PTPRD: variants seen among roughly 807,000 people sequenced by gnomAD.
PTPRD encodes the protein receptor-type tyrosine-protein phosphatase delta.
A neutral mutation model predicts 214.5 loss-of-function variants in PTPRD; 34 were observed. That is an observed-to-expected ratio of 0.16 (90% confidence interval 0.12 to 0.21). PTPRD has a LOEUF of 0.21. PTPRD is among the 10% of genes least tolerant of loss of function. The pLI is 1.00. For synonymous variants in PTPRD, 1,128 were observed against 845.7 expected (o/e 1.33, Z -5.79); for missense variants, 2,545 against 2,398.7 (o/e 1.06, Z -1.27).
chr9:9,753,813 G>A (rs1249061894), intron 6 of PTPRD, among the ~76,000 whole-genome samples: 1 of 151,978 alleles, frequency 6.6e-6, no homozygotes, highest in East Asian at 1.9e-4. Context: ...ACTGCATTAT[G>A]TTTAGGGTTT....
chr9:9,946,312 A>G (rs1009718944), intron 4 of PTPRD, among the ~76,000 whole-genome samples: 2 of 152,194 alleles, frequency 1.3e-5, no homozygotes, highest in Admixed American at 6.6e-5. Flanking sequence ...AAATGTGTGG[A>G]CAATTAATCA....
At chr9:10,091,804 C>T (rs1374809628) in intron 3 of PTPRD, among the ~76,000 whole-genome samples, 1 of 151,320 alleles carries the variant, frequency 6.6e-6, no homozygotes. Context: ...GCAAGGCAGG[C>T]ATCCAGTTTA....
At chr9:8,667,234 G>T (rs7041614) in intron 12 of PTPRD, among the ~76,000 whole-genome samples, 3,071 of 152,258 alleles carry the variant, frequency 0.02, 99 homozygotes, top group African/African-American at 0.07. Flanking sequence ...AGCTACTTGG[G>T]AGGCTGAGGC....
At chr9:10,030,269 A>G in intron 4 of PTPRD, among the ~76,000 whole-genome samples, 1 of 151,784 alleles carries the variant, frequency 6.6e-6, no homozygotes, top group Admixed American at 6.6e-5. Context: ...GAAAGGAGTC[A>G]AATATATTTC....
chr9:9,845,112 A>T (rs1192089936), intron 5 of PTPRD, among the ~76,000 whole-genome samples: 1 of 84,094 alleles, frequency 1.2e-5, no homozygotes, highest in Non-Finnish European at 2.1e-5. Context: ...ACTGCTATAT[A>T]TATTGCTCTA....
chr9:8,428,369 A>G (rs1261277361), intron 35 of PTPRD, among the ~76,000 whole-genome samples: 1 of 152,184 alleles, frequency 6.6e-6, no homozygotes, highest in Admixed American at 6.5e-5. Context: ...CATCCATCCC[A>G]GGTACAAAAA....
rs546583198 is a variant in PTPRD, at chr9:8,969,839, C to T, written c.-104+48858G>A. ...AAGCAAAATCAACAAAAGACCCAGA[C>T]TTTTTATAGAGTTTACATTCTAAAG... On this transcript the variant is annotated intron_variant, in intron 11 of 45. Coordinates refer to ENST00000381196, the MANE Select transcript of PTPRD (RefSeq NM_002839.4). Among the ~76,000 whole-genome samples the T allele has an allele frequency of 6.6e-5, 10 of 152,008 alleles. No individual in the cohort carries two copies. In the South Asian group the frequency reaches 2.1e-3, roughly 32 times the overall value.
intron 10 of PTPRD, among the ~76,000 whole-genome samples, chr9:9,133,330 T>TA: frequency 6.6e-6 from 1 of 152,300 alleles, no homozygotes; most frequent in East Asian, 1.9e-4. Flanking sequence ...AAAATTTATT[T>TA]TAATAACCTG....
intron 5 of PTPRD, among the ~76,000 whole-genome samples, chr9:9,769,721 T>A (rs1471433945): frequency 6.6e-6 from 1 of 152,104 alleles, no homozygotes; most frequent in Non-Finnish European, 1.5e-5. Context: ...CAACCCATCA[T>A]CTACATTAGG....
At chr9:9,551,918 G>T (rs770139182) in intron 8 of PTPRD, among the ~76,000 whole-genome samples, 1 of 151,486 alleles carries the variant, frequency 6.6e-6, no homozygotes, top group Non-Finnish European at 1.5e-5. Context: ...CATGCAGAAA[G>T]AAATCAGAGT....
At chr9:10,268,879 G>C (rs2094254699) in intron 3 of PTPRD, among the ~76,000 whole-genome samples, 1 of 152,194 alleles carries the variant, frequency 6.6e-6, no homozygotes, top group Admixed American at 6.5e-5. Context: ...CTAGGGCAGG[G>C]ATTTTCAGTC....
chr9:8,654,771 ATTGGT>A (rs763754160), intron 12 of PTPRD, among the ~76,000 whole-genome samples: 61 of 152,282 alleles, frequency 4.0e-4, no homozygotes, highest in Non-Finnish European at 8.2e-4. Flanking sequence ...GACTACAGTA[ATTGGT>A]TTCCCTTCCT....
intron 3 of PTPRD, among the ~76,000 whole-genome samples, chr9:10,211,558 C>A (rs1028530191): frequency 6.6e-6 from 1 of 152,160 alleles, no homozygotes; most frequent in Non-Finnish European, 1.5e-5. Context: ...GCTGCTCCAT[C>A]TCTGCCAACA....
At chr9:8,490,167 T>C (rs915297635) in intron 27 of PTPRD, among the ~76,000 whole-genome samples, 2 of 152,202 alleles carry the variant, frequency 1.3e-5, no homozygotes, top group South Asian at 4.1e-4. Flanking sequence ...AGGTCATTTT[T>C]CAGCAGGGTC....
chr9:9,952,987 T>C (rs1032228577), intron 4 of PTPRD, among the ~76,000 whole-genome samples: 1 of 152,164 alleles, frequency 6.6e-6, no homozygotes. Flanking sequence ...AGGAACATTG[T>C]GGAAGCCAGA....
rs374287886 is a variant in PTPRD at position 9,951,856 on chromosome 9, G to A, written c.-471-13246C>T. On this transcript the variant is annotated intron_variant, in intron 4 of 45. Coordinates refer to ENST00000381196, the MANE Select transcript of PTPRD (RefSeq NM_002839.4). ...ATTCAGTTTATGGGACTAAGGTGGC[G>A]GAGCAATGTAAAGACTAATATGAAG... is the stretch of plus-strand genomic sequence containing the variant. Among the ~76,000 whole-genome samples, 106 of 152,238 alleles carry A rather than the reference G, an allele frequency of 7.0e-4. No homozygotes were observed. In the East Asian group the frequency reaches 0.015, roughly 21 times the overall value.
At chr9:10,568,416 G>T (rs202042284) in intron 2 of PTPRD, among the ~76,000 whole-genome samples, 3 of 151,856 alleles carry the variant, frequency 2.0e-5, no homozygotes, top group Non-Finnish European at 2.9e-5. Context: ...GAATAGTGCC[G>T]CAATAAACAT....
chr9:9,074,977 T>C (rs1299767725), intron 10 of PTPRD, among the ~76,000 whole-genome samples: 6 of 151,462 alleles, frequency 4.0e-5, no homozygotes, highest in African/African-American at 1.5e-4. Flanking sequence ...AGAACAAAGA[T>C]GGTCTTGTTT....
At chr9:9,788,743 A>G (rs2098945367) in intron 5 of PTPRD, among the ~76,000 whole-genome samples, 1 of 152,042 alleles carries the variant, frequency 6.6e-6, no homozygotes, top group Admixed American at 6.6e-5. Flanking sequence ...TGGTTATAAC[A>G]TTTTAGGAAA....
Sources: gnomAD v4.1 joint callset for allele counts (sites outside exome capture counted in the v4.1 genomes callset) on GRCh38, gnomAD v4.1.1 for gene constraint, MANE v1.5 for transcripts, NCBI Gene and HGNC (gene_info 2026-07-23, HGNC 2026-07-21) for gene names.